CIT: variants seen among roughly 807,000 people sequenced by gnomAD.
CIT encodes citron Rho-interacting kinase.
CIT carries 79 observed loss-of-function variants against 272.7 expected under a neutral mutation model. The ratio of observed to expected loss-of-function variants is 0.29; its 90% CI spans 0.24 to 0.35. The LOEUF is 0.35. Among genes scored for constraint, CIT ranks in the 10% least tolerant of loss-of-function variants. The probability of loss-of-function intolerance (pLI) is 1.00; values close to 1 mark genes in which losing one functional copy is unlikely to be tolerated. For synonymous variants in CIT, 948 were observed against 995.6 expected (o/e 0.95, Z 0.90); for missense variants, 1,909 against 2,618.3 (o/e 0.73, Z 5.91).
In CIT at chr12:119,804,413, C is replaced by CCGGCT. The variant is rs1966470263; in HGVS notation, c.1112-1029_1112-1025dup. 1.0e-6 allele frequency: 1 copy of CCGGCT among 985,754 alleles called. No homozygotes were observed. Among genetic ancestry groups the CCGGCT allele is most frequent in the Middle Eastern group, 5.2e-4 (1 of 1,914 alleles). 61.1% of individuals were successfully genotyped at this position (985,754 alleles called of 1,614,324 possible). A position where few individuals can be genotyped will look rare whatever the true frequency, so the allele number is the denominator to read the frequency against. ...CCCCCGCAGTGCAGGCTGCATGCTC[C>CCGGCT]CGGCTCCGTGCGTGCGTGCTCTGGC... On this transcript the variant is annotated intron_variant, in intron 9 of 47. Coordinates refer to ENST00000392521, the MANE Select transcript of CIT (RefSeq NM_001206999.2). This position sits in a 1 kb window ranked among gnomAD's most constrained non-coding sequence, Gnocchi z 5.3.
At chr12:119,794,168 C>A (rs554992241) in intron 10 of CIT, among the ~76,000 whole-genome samples, 116 of 152,270 alleles carry the variant, frequency 7.6e-4, no homozygotes, top group African/African-American at 2.8e-3. Context: ...GTAGTTATTT[C>A]TCCTTTGTTT....
At chr12:119,717,838 C>CCTTTTTTTTTTTTTT (rs1957598855) in intron 32 of CIT, among the ~76,000 whole-genome samples, 1 of 81,332 alleles carries the variant, frequency 1.2e-5, no homozygotes, top group Non-Finnish European at 2.3e-5. Context: ...TGACTTCTTT[C>CCTTTTTTTTTTTTTT]TTTTTTTTTT....
chr12:119,853,486 C>A (rs1222334169), intron 4 of CIT, among the ~76,000 whole-genome samples: 1 of 151,962 alleles, frequency 6.6e-6, no homozygotes, highest in East Asian at 1.9e-4. Flanking sequence ...ACCATGTTAC[C>A]TAGGCTGGCC....
At chr12:119,756,278 A>C (rs1456905894) in intron 22 of CIT, among the ~76,000 whole-genome samples, 20 of 152,218 alleles carry the variant, frequency 1.3e-4, no homozygotes, top group Admixed American at 1.3e-3. Context: ...GTAACAAAGG[A>C]ACGAAACACA....
intron 6 of CIT, 117 bp from the exon 7 acceptor site, chr12:119,832,981 C>G: frequency 1.6e-6 from 1 of 637,978 alleles, no homozygotes; most frequent in East Asian, 2.8e-5. Flanking sequence ...ATATAGACCT[C>G]CTCTATTGGT....
intron 14 of CIT, 41 bp downstream of exon 14, chr12:119,776,631 A>G (rs1277153411): frequency 6.3e-7 from 1 of 1,576,796 alleles, no homozygotes; most frequent in Non-Finnish European, 8.6e-7. Context: ...ATCATGTACA[A>G]TTTTACCCAA....
At chr12:119,871,417 C>A (rs566790432) in intron 2 of CIT, among the ~76,000 whole-genome samples, 1 of 152,116 alleles carries the variant, frequency 6.6e-6, no homozygotes, top group Admixed American at 6.5e-5. Flanking sequence ...AGAAACAGAC[C>A]GGCTGCATTT....
At chr12:119,816,591 G>A (rs1284542340) in intron 9 of CIT, among the ~76,000 whole-genome samples, 1 of 152,120 alleles carries the variant, frequency 6.6e-6, no homozygotes, top group Non-Finnish European at 1.5e-5. Flanking sequence ...GACTCAGTAG[G>A]CCTGAGTCTC....
At chr12:119,871,267 CCCA>C (rs978384458) in intron 2 of CIT, among the ~76,000 whole-genome samples, 1 of 152,102 alleles carries the variant, frequency 6.6e-6, no homozygotes, top group African/African-American at 2.4e-5. Flanking sequence ...TGAATGTAGC[CCCA>C]CAAGTGACCC....
At position 119,712,520 on chromosome 12, in the gene CIT, C is replaced by G; in HGVS notation, c.4684+71G>C. ...TGCAGAGCCAATCTTCCCTGTACCA[C>G]CCCTTCTGTCCCTGCTGATTGGCCA... On this transcript the variant is annotated intron_variant, in intron 36 of 47. Transcript: ENST00000392521. The surrounding 1 kb of genome is among the most constrained non-coding windows in gnomAD (Gnocchi z 5.2). The G allele has an allele frequency of 6.9e-7, 1 of 1,459,828 alleles. No individual in the cohort carries two copies. Among genetic ancestry groups the G allele is most frequent in the Non-Finnish European group, 9.6e-7 (1 of 1,043,608 alleles). The allele number at this position is 1,459,828 out of a possible 1,614,324, so 90.4% of individuals were successfully genotyped here.
chr12:119,737,689 G>A (rs966685678), intron 24 of CIT, among the ~76,000 whole-genome samples: 6 of 151,970 alleles, frequency 3.9e-5, no homozygotes, highest in African/African-American at 7.3e-5. Flanking sequence ...TTATATTTCC[G>A]GTTTGTGATT....
At chr12:119,724,595 A>G (rs1178528723) in intron 28 of CIT, among the ~76,000 whole-genome samples, 1 of 152,156 alleles carries the variant, frequency 6.6e-6, no homozygotes, top group African/African-American at 2.4e-5. Flanking sequence ...CAGGACTAGC[A>G]AATGGACTTT....
At chr12:119,841,072 A>G (rs1969376257) in intron 5 of CIT, among the ~76,000 whole-genome samples, 3 of 152,206 alleles carry the variant, frequency 2.0e-5, no homozygotes. Context: ...TTTCAGATCC[A>G]GAAGTATAAT....
At chr12:119,739,794 C>T (rs1252342496) in intron 24 of CIT, among the ~76,000 whole-genome samples, 1 of 152,124 alleles carries the variant, frequency 6.6e-6, no homozygotes, top group African/African-American at 2.4e-5. Flanking sequence ...AATCCCATGA[C>T]TCAGTGTTCC....
At chr12:119,865,076 G>C (rs1950477081) in intron 3 of CIT, among the ~76,000 whole-genome samples, 1 of 152,140 alleles carries the variant, frequency 6.6e-6, no homozygotes, top group South Asian at 2.1e-4. Flanking sequence ...GGGAGGAATA[G>C]AAAACACACT....
Position 119,832,762 on chromosome 12 carries a change from A to G in CIT, c.753+9T>C. ...AAACTCTATTAAGCTATCTTATTCC[A>G]TTTTTTACCATCTTGTTTGAATTCA... On this transcript the variant is annotated intron_variant, in intron 7 of 47. Transcript: ENST00000392521. 1.2e-6 allele frequency: 2 copies of G among 1,607,716 alleles called. No homozygotes were observed. The highest frequency in any genetic ancestry group is 1.7e-5 in the Admixed American group (1 of 59,990).
intron 44 of CIT, among the ~76,000 whole-genome samples, chr12:119,699,180 C>T (rs1012203053): frequency 1.3e-4 from 18 of 142,866 alleles, no homozygotes; most frequent in African/African-American, 4.6e-4. Flanking sequence ...CACTTGAACC[C>T]GGGAGGTAGA....
At chr12:119,800,598 A>G (rs1342721745) in intron 10 of CIT, among the ~76,000 whole-genome samples, 2 of 152,250 alleles carry the variant, frequency 1.3e-5, no homozygotes, top group Non-Finnish European at 2.9e-5. Context: ...TACCTAGCAC[A>G]GTACAGCAGC....
At chr12:119,782,451 G>A (rs902029506) in intron 13 of CIT, 67 bp downstream of exon 13, 20 of 1,556,866 alleles carry the variant, frequency 1.3e-5, no homozygotes, top group Non-Finnish European at 1.6e-5. Context: ...TCTCAAACAC[G>A]CCTCTCCTGA....
Sources: allele counts gnomAD v4.1 joint callset (sites outside exome capture counted in the v4.1 genomes callset), GRCh38; gene constraint gnomAD v4.1.1; non-coding constraint Gnocchi (gnomAD v3.1); transcripts MANE v1.5; gene names NCBI Gene and HGNC (gene_info 2026-07-23, HGNC 2026-07-21).